Variants in ZBTB24 observed in about 807,000 individuals in gnomAD.
ZBTB24 encodes zinc finger and BTB domain-containing protein 24.
A neutral mutation model predicts 53.8 loss-of-function variants in ZBTB24; 32 were observed. The observed-to-expected ratio is 0.60, with a 90% confidence interval of 0.45 to 0.80. The LOEUF (loss-of-function observed/expected upper bound fraction) is 0.80, where lower values mean the gene tolerates loss of function less well. ZBTB24 is among the 30% of genes least tolerant of loss of function. The pLI is 0.00. For missense variants in ZBTB24, 722 were observed against 837.1 expected (o/e 0.86, Z 1.70); for synonymous variants, 297 against 306.7 (o/e 0.97, Z 0.33).
intron 5 of ZBTB24, among the ~76,000 whole-genome samples, chr6:109,472,505 T>G (rs186535070): frequency 6.6e-6 from 1 of 152,260 alleles, no homozygotes; most frequent in East Asian, 1.9e-4. Flanking sequence ...CTCCCCCTTA[T>G]GCTCAGGCAA....
At position 109,464,855 on chromosome 6, in the gene ZBTB24, G is replaced by A. The variant is rs1302882902; in HGVS notation, c.*996C>T. The A allele has an allele frequency of 6.6e-6, 1 of 152,164 alleles. No homozygotes were observed. The highest frequency in any genetic ancestry group is 1.5e-5 in the Non-Finnish European group (1 of 68,034). The allele number at this position is 152,164 out of a possible 1,614,324, so 9.4% of individuals were successfully genotyped here. On this transcript the variant is annotated 3_prime_UTR_variant, in exon 7 of 7. Transcript: ENST00000230122. ...ATATTCACTTTGTGGGATTTAACTA[G>A]TCTGCAATAAAAATGAATTATAAGC...
intron 4 of ZBTB24, among the ~76,000 whole-genome samples, chr6:109,475,776 T>C (rs1435476105): frequency 6.6e-6 from 1 of 152,212 alleles, no homozygotes; most frequent in African/African-American, 2.4e-5. Context: ...GTAACCCACA[T>C]TCATTTCTTA....
At chr6:109,471,503 C>T (rs1360499355) in intron 5 of ZBTB24, among the ~76,000 whole-genome samples, 1 of 152,218 alleles carries the variant, frequency 6.6e-6, no homozygotes, top group Non-Finnish European at 1.5e-5. Flanking sequence ...TGAACTTTAT[C>T]ATTTGTTCCC....
intron 5 of ZBTB24, 143 bp downstream of exon 5, chr6:109,475,256 T>C: frequency 9.9e-7 from 1 of 1,014,552 alleles, no homozygotes; most frequent in Non-Finnish European, 1.5e-6. Context: ...TTCCAACTTT[T>C]AACTTATCTT....
rs1562298526 is a variant in ZBTB24 at position 109,465,304 on chromosome 6, AG to A, written c.*546del. ...TGTACTGCATAAAGATAAAACGTTG[AG>A]GGTTACTTTGTCTTAGGGGACTGGA... is the stretch of plus-strand genomic sequence containing the variant. On this transcript the variant is annotated 3_prime_UTR_variant, in exon 7 of 7. Coordinates refer to ENST00000230122, the MANE Select transcript of ZBTB24 (RefSeq NM_014797.3). 1 of 266,054 alleles carries A rather than the reference AG, an allele frequency of 3.8e-6. No homozygotes were observed. The highest frequency in any genetic ancestry group is 2.2e-5 in the African/African-American group (1 of 45,046). 16.5% of individuals were successfully genotyped at this position (266,054 alleles called of 1,614,324 possible). A position where few individuals can be genotyped will look rare whatever the true frequency, so the allele number is the denominator to read the frequency against.
chr6:109,471,288 T>C (rs895894678), intron 5 of ZBTB24, among the ~76,000 whole-genome samples: 4 of 152,204 alleles, frequency 2.6e-5, no homozygotes, highest in Admixed American at 6.5e-5. Context: ...ACCTCTGCTG[T>C]GGCTCTGACC....
rs1776421475 is a variant in ZBTB24, at chr6:109,481,739, T to C, written c.288A>G (p.Thr96=). The C allele has an allele frequency of 2.5e-6, 4 of 1,614,222 alleles. No homozygotes were observed. Among genetic ancestry groups the C allele is most frequent in the Non-Finnish European group, 3.4e-6 (4 of 1,180,032 alleles). Residue 96 remains threonine (T), a synonymous_variant, in exon 2 of 7, where the codon ACA becomes ACG. Transcript: ENST00000230122. ...TFGILLEFIY[T]GYLHASEKST... ...TTTTCTCACTGGCATGGAGATAACC[T>C]GTGTAGATAAATTCCAGCAGGATAC... is the stretch of plus-strand genomic sequence containing the variant.
At chr6:109,479,999 G>C (rs989297158) in intron 2 of ZBTB24, among the ~76,000 whole-genome samples, 1 of 147,554 alleles carries the variant, frequency 6.8e-6, no homozygotes, top group African/African-American at 2.5e-5. Flanking sequence ...CACTTTGTTC[G>C]AAGTACCTGA....
At chr6:109,467,505 A>C in intron 6 of ZBTB24, 148 bp downstream of exon 6, 1 of 1,533,858 alleles carries the variant, frequency 6.5e-7, no homozygotes, top group Admixed American at 2.0e-5. Flanking sequence ...CAAAACAAAC[A>C]AACAAAACAA....
In ZBTB24 at chr6:109,465,818, G is replaced by A. The variant is rs772419860; in HGVS notation, c.*33C>T. 4 of 1,614,162 alleles carry A rather than the reference G, an allele frequency of 2.5e-6. No homozygotes were observed. The highest frequency in any genetic ancestry group is 3.4e-6 in the Non-Finnish European group (4 of 1,180,028). ...TCCAGTCAGAGCTGGCTTATAAGAA[G>A]AGCCCAATCAAGCAGTCAAACGTGT... On this transcript the variant is annotated 3_prime_UTR_variant, in exon 7 of 7. Transcript: ENST00000230122.
chr6:109,482,709 C>T (rs908930168), intron 1 of ZBTB24, among the ~76,000 whole-genome samples: 1 of 152,110 alleles, frequency 6.6e-6, no homozygotes, highest in African/African-American at 2.4e-5. Context: ...TTAACCATCT[C>T]CAAAATCCTC....
Position 109,481,569 on chromosome 6 carries a change from T to C in ZBTB24, c.458A>G (p.Lys153Arg). The C allele has an allele frequency of 1.2e-6, 2 of 1,614,234 alleles. No homozygotes were observed. Among genetic ancestry groups the C allele is most frequent in the Non-Finnish European group, 1.7e-6 (2 of 1,180,052 alleles). ...TTTCCGCTTTGGAGGATCGTTTTTC[T>C]TATTAGAGATAACAACCACTGGGGC... ...AGAPVVVISN[K>R]KNDPPKRKRG... is the part of the protein sequence containing the mutation. Residue 153 changes from lysine (K) to arginine (R), a missense_variant, in exon 2 of 7, where the codon AAG becomes AGG. Transcript: ENST00000230122.
rs758301610 is a variant in ZBTB24 at position 109,467,753 on chromosome 6, AAAAC to A, written c.1289-23_1289-20del. 6 of 1,612,266 alleles carry A rather than the reference AAAAC, an allele frequency of 3.7e-6. No homozygotes were observed. In the African/African-American group the frequency reaches 8.0e-5, roughly 22 times the overall value. On this transcript the variant is annotated intron_variant, in intron 5 of 6. Coordinates refer to ENST00000230122, the MANE Select transcript of ZBTB24 (RefSeq NM_014797.3). The stretch of plus-strand genomic sequence containing the variant: ...TTCTCACCTAAAAAAAACAAAAACA[AAAAC>A]AAAAAACCCAAAACAAAAAAACATT...
chr6:109,482,183 A>C (rs1776434216), intron 1 of ZBTB24, 129 bp from the exon 2 acceptor site: 1 of 792,300 alleles, frequency 1.3e-6, no homozygotes, highest in Non-Finnish European at 2.1e-6. Context: ...GTCTGTCTAC[A>C]AACTTAGCTC....
chr6:109,481,892 A>C lies in ZBTB24; in HGVS notation c.135T>G (p.Asn45Lys). The change falls in exon 2 of 7, where the codon AAT (asparagine) becomes AAG (lysine). Residue 45 changes from asparagine to lysine, a missense_variant. Physicochemically the swap from Asn to Lys is moderately conservative, Grantham distance 94. Transcript: ENST00000230122. ...AGGCTTTGTGGGCCCGGAAATGTAC[A>C]TTCTCCACGATTAAAGTAATGTCAC... ...FLCDITLIVE[N>K]VHFRAHKALL... is the part of the protein sequence containing the mutation. 1 of 1,614,150 alleles carries C rather than the reference A, an allele frequency of 6.2e-7. No homozygotes were observed. Among genetic ancestry groups the C allele is most frequent in the Non-Finnish European group, 8.5e-7 (1 of 1,180,024 alleles).
At position 109,463,313 on chromosome 6, in the gene ZBTB24, G is replaced by A. The variant is rs1409420138; in HGVS notation, c.*2538C>T. 6.6e-6 allele frequency: 1 copy of A among 152,200 alleles called. No homozygotes were observed. Among genetic ancestry groups the A allele is most frequent in the African/African-American group, 2.4e-5 (1 of 41,454 alleles). The allele number at this position is 152,200 out of a possible 1,614,324, so 9.4% of individuals were successfully genotyped here. A position where few individuals can be genotyped will look rare whatever the true frequency, so the allele number is the denominator to read the frequency against. On this transcript the variant is annotated 3_prime_UTR_variant, in exon 7 of 7. Transcript: ENST00000230122. ...TTGAACTTTTTTATTCAAAGGGGTA[G>A]AATGTATATGTGGGACAAAGAAAGA...
At position 109,481,114 on chromosome 6, in the gene ZBTB24, A is replaced by C; in HGVS notation, c.913T>G (p.Tyr305Asp). Residue 305 changes from tyrosine to aspartate, a missense_variant, in exon 2 of 7, where the codon TAC (tyrosine) becomes GAC (aspartate). Coordinates refer to ENST00000230122, the MANE Select transcript of ZBTB24 (RefSeq NM_014797.3). ...TGGTGGATTGCTAAAAAGTGATTGT[A>C]CTTAAAGACCTTGCCACAGTCTTTA... ...RCKDCGKVFK[Y>D]NHFLAIHQRS... The C allele has an allele frequency of 6.2e-7, 1 of 1,614,222 alleles. No homozygotes were observed. The highest frequency in any genetic ancestry group is 8.5e-7 in the Non-Finnish European group (1 of 1,180,046).
Position 109,465,589 on chromosome 6 carries a change from C to T in ZBTB24, c.*262G>A, listed in dbSNP as rs1346427228. 9 of 1,468,480 alleles carry T rather than the reference C, an allele frequency of 6.1e-6. No homozygotes were observed. Among genetic ancestry groups the T allele is most frequent in the South Asian group, 2.5e-5 (2 of 80,562 alleles). 91.0% of individuals were successfully genotyped at this position (1,468,480 alleles called of 1,614,324 possible). A position where few individuals can be genotyped will look rare whatever the true frequency, so the allele number is the denominator to read the frequency against. On this transcript the variant is annotated 3_prime_UTR_variant, in exon 7 of 7. Coordinates refer to ENST00000230122, the MANE Select transcript of ZBTB24 (RefSeq NM_014797.3). ...TCAATGCCCCCAAAGAAAAACTACCCGAGTCTTTATGAGACATTGCAGATT... is the reference window on the plus strand; with the variant it reads ...TCAATGCCCCCAAAGAAAAACTACCTGAGTCTTTATGAGACATTGCAGATT...
chr6:109,472,423 T>TG (rs1233963796), intron 5 of ZBTB24, among the ~76,000 whole-genome samples: 40 of 152,290 alleles, frequency 2.6e-4, no homozygotes, highest in African/African-American at 9.1e-4. Context: ...GGAATTATAG[T>TG]GGGGGAGGTC....
Sources: allele counts gnomAD v4.1 joint callset (sites outside exome capture counted in the v4.1 genomes callset), GRCh38; gene constraint gnomAD v4.1.1; transcripts MANE v1.5; gene names NCBI Gene and HGNC (gene_info 2026-07-23, HGNC 2026-07-21).